CPNE8: variants seen among roughly 807,000 people sequenced by gnomAD.
The protein encoded by CPNE8 is copine-8.
Under a neutral mutation model 81.5 loss-of-function variants are expected in CPNE8, and 45 were observed. The ratio of observed to expected loss-of-function variants is 0.55; its 90% confidence interval spans 0.44 to 0.71. The LOEUF (loss-of-function observed/expected upper bound fraction) is 0.71. CPNE8 is among the 30% of genes least tolerant of loss of function. The pLI is 0.00. For missense variants in CPNE8, 594 were observed against 672.1 expected, an observed-to-expected ratio of 0.88 and a Z score of 1.28; for synonymous variants, 252 against 226.3, an observed-to-expected ratio of 1.11 and a Z score of -1.02.
At chr12:38,660,911 C>A (rs1313786654) in intron 19 of CPNE8, among the ~76,000 whole-genome samples, 1 of 152,120 alleles carries the variant, frequency 6.6e-6, no homozygotes, top group African/African-American at 2.4e-5. Context: ...CAATGAGATA[C>A]CATCTCACAC....
chr12:38,720,038 T>A (rs1317054809), intron 13 of CPNE8, among the ~76,000 whole-genome samples: 2 of 152,060 alleles, frequency 1.3e-5, no homozygotes, highest in Admixed American at 6.6e-5. Flanking sequence ...CAGGCTGGAG[T>A]GCAGTGGTGC....
At chr12:38,746,141 G>T (rs1415665888) in intron 10 of CPNE8, among the ~76,000 whole-genome samples, 2 of 151,944 alleles carry the variant, frequency 1.3e-5, no homozygotes, top group African/African-American at 4.8e-5. Flanking sequence ...TATTTCATAG[G>T]ATGGAGATGA....
chr12:38,672,483 TG>T (rs1253889419), intron 18 of CPNE8, among the ~76,000 whole-genome samples: 1 of 152,130 alleles, frequency 6.6e-6, no homozygotes, highest in African/African-American at 2.4e-5. Context: ...CTCAAGCAGG[TG>T]GAGATTATGA....
chr12:38,799,713 G>C (rs1942606355), intron 6 of CPNE8, among the ~76,000 whole-genome samples: 1 of 151,442 alleles, frequency 6.6e-6, no homozygotes, highest in Admixed American at 6.6e-5. Flanking sequence ...CGACGCAGAA[G>C]ACGGGTGATT....
intron 6 of CPNE8, 80 bp from the exon 7 acceptor site, chr12:38,776,381 T>C: frequency 2.4e-6 from 1 of 421,610 alleles, no homozygotes; most frequent in Non-Finnish European, 3.8e-6. Context: ...ATCATGTTTA[T>C]TTTTATGTAC....
chr12:38,839,124 T>G (rs1321803118), intron 5 of CPNE8, among the ~76,000 whole-genome samples: 3 of 152,144 alleles, frequency 2.0e-5, no homozygotes, highest in African/African-American at 7.2e-5. Flanking sequence ...CTCAGTTATC[T>G]CCTTTCAGAA....
At chr12:38,827,600 A>G (rs1416346225) in intron 6 of CPNE8, among the ~76,000 whole-genome samples, 1 of 152,240 alleles carries the variant, frequency 6.6e-6, no homozygotes, top group Non-Finnish European at 1.5e-5. Flanking sequence ...CTGGATAAAT[A>G]AAATGTGGTA....
intron 13 of CPNE8, among the ~76,000 whole-genome samples, chr12:38,722,489 C>CA (rs1940590531): frequency 6.6e-6 from 1 of 152,140 alleles, no homozygotes; most frequent in Non-Finnish European, 1.5e-5. Flanking sequence ...TTGGTCCCCC[C>CA]ACTCCCTCAA....
intron 6 of CPNE8, among the ~76,000 whole-genome samples, chr12:38,818,512 C>A (rs559674843): frequency 4.4e-4 from 67 of 152,274 alleles, no homozygotes; most frequent in Non-Finnish European, 7.1e-4. Flanking sequence ...TGTGCCATAT[C>A]TTCTTTAACC....
At chr12:38,866,651 G>T (rs890431982) in intron 3 of CPNE8, among the ~76,000 whole-genome samples, 20 of 151,990 alleles carry the variant, frequency 1.3e-4, no homozygotes, top group African/African-American at 3.4e-4. Context: ...TAGAATAAAG[G>T]GCAGCAGAAC....
chr12:38,796,783 C>G (rs191479181), intron 6 of CPNE8, among the ~76,000 whole-genome samples: 183 of 152,132 alleles, frequency 1.2e-3, no homozygotes, highest in Admixed American at 0.011. Flanking sequence ...AGGGAGTTCC[C>G]TTTCCTAGTC....
intron 13 of CPNE8, among the ~76,000 whole-genome samples, chr12:38,717,458 T>TATATATATATATA (rs1339046227): frequency 7.2e-6 from 1 of 138,734 alleles, no homozygotes; most frequent in Non-Finnish European, 1.6e-5. Flanking sequence ...TATATATATA[T>TATATATATATATA]ACACCATGGA....
At chr12:38,829,220 T>C (rs1026586098) in intron 6 of CPNE8, among the ~76,000 whole-genome samples, 159 bp downstream of exon 6, 6 of 152,212 alleles carry the variant, frequency 3.9e-5, no homozygotes, top group African/African-American at 1.4e-4. Flanking sequence ...ATAGAAATTA[T>C]TCTTTAAAAA....
chr12:38,784,814 A>G (rs772915296), intron 6 of CPNE8, among the ~76,000 whole-genome samples: 4 of 152,204 alleles, frequency 2.6e-5, no homozygotes, highest in Non-Finnish European at 5.9e-5. Context: ...GACATAAAGA[A>G]TTTCTCAGAC....
intron 1 of CPNE8, among the ~76,000 whole-genome samples, chr12:38,890,165 T>C (rs938509315): frequency 6.7e-6 from 1 of 150,166 alleles, no homozygotes; most frequent in African/African-American, 2.5e-5. Flanking sequence ...AGTGGCTTTA[T>C]AATTTTCTTT....
At chr12:38,835,467 G>A (rs552289505) in intron 5 of CPNE8, among the ~76,000 whole-genome samples, 1 of 152,210 alleles carries the variant, frequency 6.6e-6, no homozygotes, top group East Asian at 1.9e-4. Context: ...GAGTAAATCT[G>A]CTTACCTCAC....
At chr12:38,857,342 C>T (rs982113901) in intron 3 of CPNE8, among the ~76,000 whole-genome samples, 5 of 152,156 alleles carry the variant, frequency 3.3e-5, no homozygotes, top group African/African-American at 9.7e-5. Flanking sequence ...AAACATAGAT[C>T]TGTCCTTGTT....
intron 6 of CPNE8, among the ~76,000 whole-genome samples, chr12:38,815,462 A>G (rs1469718826): frequency 6.6e-6 from 1 of 152,240 alleles, no homozygotes; most frequent in African/African-American, 2.4e-5. Context: ...AACTAAAAAT[A>G]AAAGATGCAT....
intron 5 of CPNE8, among the ~76,000 whole-genome samples, chr12:38,835,408 C>A (rs1243902575): frequency 6.6e-6 from 1 of 152,160 alleles, no homozygotes; most frequent in Non-Finnish European, 1.5e-5. Flanking sequence ...AGTTTAAGTG[C>A]CATAAAGAAA....
Sources: allele counts gnomAD v4.1 joint callset (sites outside exome capture counted in the v4.1 genomes callset), GRCh38; gene constraint gnomAD v4.1.1; transcripts MANE v1.5; gene names NCBI Gene and HGNC (gene_info 2026-07-23, HGNC 2026-07-21).